Variants in NAV1 observed in about 807,000 individuals in gnomAD.
The protein encoded by NAV1 is neuron navigator 1.
NAV1 carries 18 observed loss-of-function variants against 175.2 expected under a neutral mutation model. The observed-to-expected ratio is 0.10, with a 90% CI of 0.07 to 0.15. The LOEUF is 0.15. Among genes scored for constraint, NAV1 ranks in the 10% least tolerant of loss-of-function variants. The probability of loss-of-function intolerance (pLI) is 1.00; values close to 1 mark genes in which losing one functional copy is unlikely to be tolerated. For missense variants in NAV1, 1,731 were observed against 2,436.6 expected (o/e 0.71, Z 6.10); for synonymous variants, 897 against 978.7 (o/e 0.92, Z 1.56).
rs973197544 is a variant in NAV1, at chr1:201,807,736, G to A, written c.3649-217G>A. ...TTGCCAGGCTGGAGTGCAGTGGCTC[G>A]ATCTCAGCTCACTGCAACCTCTGCC... On this transcript the variant is annotated intron_variant, in intron 17 of 29. Coordinates refer to ENST00000367296, the Ensembl canonical transcript of NAV1. This position sits in a 1 kb window ranked among gnomAD's most constrained non-coding sequence, Gnocchi z 5.4. Among the ~76,000 whole-genome samples the A allele has an allele frequency of 1.3e-5, 2 of 152,038 alleles. No homozygotes were observed. The highest frequency in any genetic ancestry group is 2.9e-5 in the Non-Finnish European group (2 of 68,008).
chr1:201,627,279 CT>C (rs1460334759), intron 1 of NAV1, among the ~76,000 whole-genome samples: 63 of 146,196 alleles, frequency 4.3e-4, no homozygotes, highest in Middle Eastern at 3.4e-3. Flanking sequence ...TTTTCTTTTT[CT>C]TTTTTTTTTT....
chr1:201,647,197 G>A (rs1172599781), upstream of NAV1, among the ~76,000 whole-genome samples: 1 of 152,220 alleles, frequency 6.6e-6, no homozygotes, highest in Non-Finnish European at 1.5e-5. Context: ...GGCCATTTGA[G>A]GATGGGCAGT....
At chr1:201,756,843 TC>T (rs1674522878) in intron 3 of NAV1, among the ~76,000 whole-genome samples, 1 of 122,032 alleles carries the variant, frequency 8.2e-6, no homozygotes, top group Non-Finnish European at 1.9e-5. Context: ...TTTCTTTCTT[TC>T]TTTCTTTCTT....
chr1:201,812,522 G>C lies in NAV1; in HGVS notation c.5082G>C (p.Leu1694=), dbSNP rs778248094. 6.2e-7 allele frequency: 1 copy of C among 1,614,168 alleles called. No individual in the cohort carries two copies. Among genetic ancestry groups the C allele is most frequent in the South Asian group, 1.1e-5 (1 of 91,084 alleles). Residue 1694 remains leucine, a synonymous_variant, in exon 27 of 30, where the codon CTG becomes CTC. Transcript: ENST00000367296. The surrounding 1 kb of genome is among the most constrained non-coding windows in gnomAD (Gnocchi z 4.6). ...CCAATGGCTTCCTGGTTCGTTACCT[G>C]AGGAGGAAGCTGGTAGAGTCAGACA...
chr1:201,579,907 A>C (rs1268287616), intron 1 of NAV1, among the ~76,000 whole-genome samples: 1 of 152,224 alleles, frequency 6.6e-6, no homozygotes, highest in East Asian at 1.9e-4. Flanking sequence ...CTGAAGAACC[A>C]GGGAAGCCAG....
At chr1:201,726,143 T>C (rs1672596861) in intron 3 of NAV1, among the ~76,000 whole-genome samples, 1 of 152,180 alleles carries the variant, frequency 6.6e-6, no homozygotes, top group African/African-American at 2.4e-5. Context: ...CTTTGTGGTG[T>C]AGGGAAGAAG....
chr1:201,809,564 G>A (rs1302160480), intron 22 of NAV1, 27 bp downstream of exon 26: 1 of 1,601,164 alleles, frequency 6.2e-7, no homozygotes. Flanking sequence ...ACTCAAAAAG[G>A]TTGTTCATCC....
intron 1 of NAV1, among the ~76,000 whole-genome samples, chr1:201,557,974 A>C (rs1442493804): frequency 6.6e-6 from 1 of 152,160 alleles, no homozygotes. Flanking sequence ...GGACTCCAAA[A>C]AACAAAAACA....
chr1:201,793,577 CTTCAT>C, intron 13 of NAV1: 2 of 529,306 alleles, frequency 3.8e-6, no homozygotes, highest in Non-Finnish European at 6.8e-6. Context: ...CTCAACCTGG[CTTCAT>C]TATTCAAGAA....
chr1:201,770,372 A>G (rs1363301946), intron 3 of NAV1, among the ~76,000 whole-genome samples: 1 of 152,176 alleles, frequency 6.6e-6, no homozygotes, highest in African/African-American at 2.4e-5. Flanking sequence ...GCAAGAAAAC[A>G]AGAGGAGGAA....
At chr1:201,584,267 T>C (rs613896) in intron 1 of NAV1, among the ~76,000 whole-genome samples, 57,583 of 152,076 alleles carry the variant, frequency 0.38, 12,452 homozygotes, top group African/African-American at 0.58. Context: ...TTTTTCATGA[T>C]ACCATGTTTT....
chr1:201,693,619 G>A (rs2102422800), intron 1 of NAV1, among the ~76,000 whole-genome samples: 2 of 152,290 alleles, frequency 1.3e-5, no homozygotes, highest in Non-Finnish European at 2.9e-5. Context: ...TCTCTGGAGT[G>A]GCCAAGGAAG....
At chr1:201,628,805 G>A (rs904740364) in intron 1 of NAV1, among the ~76,000 whole-genome samples, 7 of 152,178 alleles carry the variant, frequency 4.6e-5, no homozygotes, top group Non-Finnish European at 1.0e-4. Flanking sequence ...GGTGCCCAGA[G>A]ACCTCACCCT....
intron 2 of NAV1, among the ~76,000 whole-genome samples, chr1:201,597,870 TC>T (rs1163178965): frequency 6.6e-6 from 1 of 152,208 alleles, no homozygotes; most frequent in East Asian, 1.9e-4. Flanking sequence ...GTGTGCCATC[TC>T]CTGCCCAACT....
Position 201,808,228 on chromosome 1 carries a change from A to G in NAV1, c.3845+79A>G, listed in dbSNP as rs1021217210. 4.6e-6 allele frequency: 7 copies of G among 1,526,600 alleles called. No homozygotes were observed. The East Asian group carries it at 1.6e-4, about 35-fold the overall frequency. The allele number at this position is 1,526,600 out of a possible 1,614,324, so 94.6% of individuals were successfully genotyped here. ...GCTAGAGTTGACAGGAGGCCATTAG[A>G]CCTTAGACAAGCAGTACTTATTACT... On this transcript the variant is annotated intron_variant, in intron 18 of 29. Coordinates refer to ENST00000367296, the Ensembl canonical transcript of NAV1. This position sits in a 1 kb window ranked among gnomAD's most constrained non-coding sequence, Gnocchi z 5.5.
intron 1 of NAV1, among the ~76,000 whole-genome samples, chr1:201,670,896 T>C (rs1321197996): frequency 6.6e-6 from 1 of 152,066 alleles, no homozygotes; most frequent in East Asian, 1.9e-4. Context: ...ATGATGGTGA[T>C]GTTTTGGTGA....
intron 3 of NAV1, among the ~76,000 whole-genome samples, chr1:201,779,329 C>T (rs972283899): frequency 4.0e-5 from 6 of 151,802 alleles, no homozygotes; most frequent in African/African-American, 1.2e-4. Context: ...CGGTGGCTCA[C>T]GCCTATAATC....
intron 15 of NAV1, among the ~76,000 whole-genome samples, chr1:201,801,357 TCTC>T: frequency 6.6e-6 from 1 of 152,286 alleles, no homozygotes; most frequent in African/African-American, 2.4e-5. Flanking sequence ...CTTACCCACA[TCTC>T]CTTCATCTAA....
intron 17 of NAV1, among the ~76,000 whole-genome samples, chr1:201,805,809 G>A (rs772238940): frequency 7.9e-5 from 12 of 151,980 alleles, no homozygotes; most frequent in Non-Finnish European, 7.4e-5. Flanking sequence ...TGTGGTCCCA[G>A]CTACTTGGGG....
Sources: allele counts gnomAD v4.1 joint callset (sites outside exome capture counted in the v4.1 genomes callset), GRCh38; gene constraint gnomAD v4.1.1; non-coding constraint Gnocchi (gnomAD v3.1); transcripts MANE v1.5; gene names NCBI Gene and HGNC (gene_info 2026-07-23, HGNC 2026-07-21).